Variants in ABCA12 observed in about 807,000 individuals in gnomAD.
The protein encoded by ABCA12 is ATP binding cassette subfamily A member 12.
In ABCA12, 156 loss-of-function variants were observed where a neutral mutation model predicts 293.5. The observed-to-expected ratio is 0.53, with a 90% CI of 0.47 to 0.61. The LOEUF is 0.61. Ranked by LOEUF, ABCA12 falls within the 20% of genes least tolerant of loss-of-function variation. The pLI is 0.00. For missense variants in ABCA12, 2,797 were observed against 3,090.2 expected (o/e 0.91, Z 2.25); for synonymous variants, 1,063 against 1,108.0 (o/e 0.96, Z 0.81).
chr2:214,986,249 C>T (rs1463172293), intron 28 of ABCA12, among the ~76,000 whole-genome samples: 1 of 151,964 alleles, frequency 6.6e-6, no homozygotes. Flanking sequence ...TAGTCTCTAC[C>T]TAAGAATATG....
At chr2:215,098,455 C>G (rs1702290594) in intron 2 of ABCA12, among the ~76,000 whole-genome samples, 1 of 152,160 alleles carries the variant, frequency 6.6e-6, no homozygotes, top group Non-Finnish European at 1.5e-5. Flanking sequence ...TAATAACCTG[C>G]ACAAAAGGCA....
At chr2:215,130,132 T>C (rs540013236) in intron 1 of ABCA12, among the ~76,000 whole-genome samples, 1 of 152,192 alleles carries the variant, frequency 6.6e-6, no homozygotes, top group Non-Finnish European at 1.5e-5. Context: ...CATAGCCTTG[T>C]AGTATAATTT....
chr2:214,991,300 T>C (rs1180605191), intron 23 of ABCA12, among the ~76,000 whole-genome samples: 1 of 152,220 alleles, frequency 6.6e-6, no homozygotes, highest in Non-Finnish European at 1.5e-5. Flanking sequence ...CACTTTATAA[T>C]TGTTACCCAG....
chr2:214,946,891 C>T (rs1286661422), intron 48 of ABCA12, among the ~76,000 whole-genome samples: 2 of 151,796 alleles, frequency 1.3e-5, no homozygotes, highest in Non-Finnish European at 2.9e-5. Flanking sequence ...CACCCTATAC[C>T]CCCCACATTC....
chr2:215,115,375 T>C (rs1702663195), intron 1 of ABCA12, among the ~76,000 whole-genome samples: 1 of 152,228 alleles, frequency 6.6e-6, no homozygotes, highest in Middle Eastern at 3.2e-3. Flanking sequence ...TCTAAATATG[T>C]TCATAAGCAA....
intron 36 of ABCA12, 113 bp downstream of exon 36, chr2:214,973,836 G>A: frequency 4.5e-6 from 4 of 891,384 alleles, no homozygotes; most frequent in Non-Finnish European, 7.3e-6. Flanking sequence ...TGAGCTACTA[G>A]CTTCCATAAA....
chr2:214,937,324 GAGT>G (rs1224907100), intron 51 of ABCA12, among the ~76,000 whole-genome samples, 183 bp downstream of exon 51: 5 of 152,086 alleles, frequency 3.3e-5, no homozygotes, highest in Non-Finnish European at 5.9e-5. Context: ...TCAGCCTCCC[GAGT>G]AGCTGGGATT....
chr2:215,108,885 G>A (rs953831501), intron 2 of ABCA12, among the ~76,000 whole-genome samples: 2 of 152,052 alleles, frequency 1.3e-5, no homozygotes, highest in African/African-American at 2.4e-5. Context: ...TGGCCAAGAT[G>A]GTGAAACCCC....
At chr2:215,027,598 G>A (rs1054346225) in intron 9 of ABCA12, among the ~76,000 whole-genome samples, 1 of 152,080 alleles carries the variant, frequency 6.6e-6, no homozygotes, top group African/African-American at 2.4e-5. Flanking sequence ...AGTTAAAGTT[G>A]AATCCTAGAT....
intron 50 of ABCA12, among the ~76,000 whole-genome samples, chr2:214,941,804 G>A (rs1291053270): frequency 6.8e-6 from 1 of 146,128 alleles, no homozygotes; most frequent in Admixed American, 6.8e-5. Context: ...CTTTTCGTTT[G>A]CTTGGTAGCT....
chr2:214,959,223 T>A, intron 39 of ABCA12, 145 bp from the exon 40 acceptor site: 1 of 739,452 alleles, frequency 1.4e-6, no homozygotes, highest in Non-Finnish European at 2.3e-6. Flanking sequence ...TAAAGGAAAA[T>A]TATTTTTCCC....
intron 28 of ABCA12, among the ~76,000 whole-genome samples, chr2:214,985,061 G>A (rs1271744931): frequency 6.6e-6 from 1 of 152,174 alleles, no homozygotes. Context: ...GCCTTGCAGT[G>A]CAGACTTCTG....
At position 214,987,635 on chromosome 2, in the gene ABCA12, G is replaced by T; in HGVS notation, c.3976+12C>A. ...CTCATAACAAAGCACGCTGTTGACC[G>T]ACTTGTCTTACTGGCAGATGGGTTG... On this transcript the variant is annotated intron_variant, in intron 27 of 52. Coordinates refer to ENST00000272895, the MANE Select transcript of ABCA12 (RefSeq NM_173076.3). 6.2e-7 allele frequency: 1 copy of T among 1,607,924 alleles called. No individual in the cohort carries two copies. Among genetic ancestry groups the T allele is most frequent in the South Asian group, 1.1e-5 (1 of 90,530 alleles).
chr2:214,991,071 A>G (rs1296536003), intron 23 of ABCA12, 40 bp from the exon 24 acceptor site: 4 of 1,556,720 alleles, frequency 2.6e-6, no homozygotes. Context: ...TTATGCTGAT[A>G]TTCTTCCAAA....
Position 215,011,572 on chromosome 2 carries a change from T to A in ABCA12, c.2199A>T (p.Gly733=). 2 of 1,614,102 alleles carry A rather than the reference T, an allele frequency of 1.2e-6. No homozygotes were observed. The highest frequency in any genetic ancestry group is 1.7e-6 in the Non-Finnish European group (2 of 1,179,960). Residue 733 remains glycine, a synonymous_variant, in exon 17 of 53, where the codon GGA becomes GGT. Transcript: ENST00000272895. ...TGGCAGTTAAATATTCAGTGGTAAT[T>A]CCTTGAGAACATAATGCTTGGGAGA... ...STISQALCSQ[G]ITTEYLTAML...
In ABCA12 at chr2:215,068,917, T is replaced by C. The variant is rs999293475; in HGVS notation, c.164-4698A>G. ...GTGCTATTTTCTATTTATTTTATTA[T>C]TGCAGAAAGTTATGCCATGGTCTTT... On this transcript the variant is annotated intron_variant, in intron 2 of 52. Coordinates refer to ENST00000272895, the MANE Select transcript of ABCA12 (RefSeq NM_173076.3). Among the ~76,000 whole-genome samples, 10 of 152,232 alleles carry C rather than the reference T, an allele frequency of 6.6e-5. 1 individual carries two copies. Among genetic ancestry groups the C allele is most frequent in the African/African-American group, 2.4e-4 (10 of 41,466 alleles).
intron 6 of ABCA12, 71 bp from the exon 7 acceptor site, chr2:215,046,086 T>C: frequency 6.7e-7 from 1 of 1,492,428 alleles, no homozygotes; most frequent in Non-Finnish European, 9.2e-7. Context: ...TTGCTGTTTT[T>C]AAAAGCATCA....
At chr2:215,084,640 T>A (rs77879392) in intron 2 of ABCA12, among the ~76,000 whole-genome samples, 4,401 of 152,232 alleles carry the variant, frequency 0.029, 141 homozygotes, top group African/African-American at 0.074. Flanking sequence ...ACTATTATCA[T>A]CCCAACTGCA....
At chr2:215,044,929 A>G (rs10205029) in intron 7 of ABCA12, among the ~76,000 whole-genome samples, 4,885 of 152,286 alleles carry the variant, frequency 0.032, 267 homozygotes, top group African/African-American at 0.11. Flanking sequence ...TATTAGTGAC[A>G]TATAAGAGAG....
Sources: allele counts gnomAD v4.1 joint callset (sites outside exome capture counted in the v4.1 genomes callset), GRCh38; gene constraint gnomAD v4.1.1; transcripts MANE v1.5; gene names NCBI Gene and HGNC (gene_info 2026-07-23, HGNC 2026-07-21).